DOP1B: variants seen among roughly 807,000 people sequenced by gnomAD.
DOP1B encodes DOP1 leucine zipper like protein B.
Under a neutral mutation model 233.5 loss-of-function variants are expected in DOP1B, and 174 were observed. That is an observed-to-expected ratio of 0.75 (90% CI 0.66 to 0.85). The LOEUF (loss-of-function observed/expected upper bound fraction) is 0.85. Among genes scored for constraint, DOP1B ranks in the 40% least tolerant of loss-of-function variants. The pLI is 0.00. For missense variants in DOP1B, 2,652 were observed against 2,846.6 expected (o/e 0.93, Z 1.56); for synonymous variants, 1,190 against 1,185.6 (o/e 1.00, Z -0.08).
intron 22 of DOP1B, among the ~76,000 whole-genome samples, chr21:36,252,301 C>T (rs988444417): frequency 6.6e-6 from 1 of 151,314 alleles, no homozygotes; most frequent in African/African-American, 2.4e-5. Flanking sequence ...GTGTAGAAAT[C>T]ACACTTGTTA....
chr21:36,268,348 G>T (rs748628254), intron 26 of DOP1B, among the ~76,000 whole-genome samples: 1 of 152,112 alleles, frequency 6.6e-6, no homozygotes, highest in African/African-American at 2.4e-5. Flanking sequence ...GAAAAATATG[G>T]CTCTTTTTTC....
At chr21:36,158,212 G>T (rs920360285) in intron 1 of DOP1B, among the ~76,000 whole-genome samples, 2 of 152,138 alleles carry the variant, frequency 1.3e-5, no homozygotes, top group African/African-American at 4.8e-5. Flanking sequence ...ACTTCTTTCT[G>T]TGTCTAGTTA....
chr21:36,181,230 G>A (rs759242600), intron 2 of DOP1B, among the ~76,000 whole-genome samples: 11 of 151,828 alleles, frequency 7.2e-5, no homozygotes, highest in Non-Finnish European at 1.6e-4. Flanking sequence ...AGATGGGTGG[G>A]CAGCTCTCTT....
At chr21:36,169,304 G>A in intron 2 of DOP1B, 1 of 787,950 alleles carries the variant, frequency 1.3e-6, no homozygotes, top group South Asian at 1.4e-5. Context: ...GCTGTCCTCA[G>A]TAAGGTAGCC....
At chr21:36,217,547 A>G (rs901582308) in intron 9 of DOP1B, among the ~76,000 whole-genome samples, 1 of 152,310 alleles carries the variant, frequency 6.6e-6, no homozygotes, top group East Asian at 1.9e-4. Context: ...GAGAAGTCCT[A>G]CCCGAGATGT....
intron 2 of DOP1B, among the ~76,000 whole-genome samples, chr21:36,186,144 A>G (rs922981485): frequency 1.3e-5 from 2 of 152,124 alleles, no homozygotes; most frequent in African/African-American, 4.8e-5. Context: ...CAGAGGTTGC[A>G]GTGAGCTAAG....
chr21:36,248,952 A>G (rs1412007361), intron 21 of DOP1B, among the ~76,000 whole-genome samples: 1 of 151,776 alleles, frequency 6.6e-6, no homozygotes, highest in African/African-American at 2.4e-5. Context: ...TAAAAATACA[A>G]AAATTAGCCA....
rs551041765 is a variant in DOP1B, at chr21:36,223,722, A to T, written c.1370+372A>T. Among the ~76,000 whole-genome samples the T allele has an allele frequency of 3.9e-5, 6 of 152,234 alleles. No homozygotes were observed. The East Asian group carries it at 7.7e-4, about 20-fold the overall frequency. ...TGTGACTGGATAGAGTGTTTTTGAA[A>T]CTCTTGCTGAAATGAATGTAACTGG... On this transcript the variant is annotated intron_variant, in intron 11 of 36. Coordinates refer to ENST00000691173, the MANE Select transcript of DOP1B (RefSeq NM_001320714.2).
intron 4 of DOP1B, among the ~76,000 whole-genome samples, chr21:36,208,054 T>A (rs1237581754): frequency 2.0e-5 from 3 of 152,022 alleles, no homozygotes; most frequent in Admixed American, 6.6e-5. Context: ...TAGATAAAGA[T>A]AAGAGGCGAA....
At chr21:36,157,323 A>C (rs13047908) in intron 1 of DOP1B, among the ~76,000 whole-genome samples, 125,939 of 152,124 alleles carry the variant, frequency 0.83, 52,320 homozygotes, top group Non-Finnish European at 0.87. Flanking sequence ...CGGCCCACGA[A>C]GAGACGCTCA....
At position 36,239,927 on chromosome 21, in the gene DOP1B, C is replaced by A. The variant is rs996371865; in HGVS notation, c.3039C>A (p.Ile1013=). The change falls in exon 18 of 37, where the codon ATC becomes ATA. Residue 1013 remains isoleucine, a synonymous_variant. Transcript: ENST00000691173. ...LLQPKTQRTS[I]HCLKQENSAD... ...AGCCAAAAACCCAGAGAACCTCCAT[C>A]CACTGCCTCAAGCAGGAGAACTCGG... 3.7e-6 allele frequency: 6 copies of A among 1,610,712 alleles called. No individual in the cohort carries two copies. The highest frequency in any genetic ancestry group is 5.1e-6 in the Non-Finnish European group (6 of 1,179,534).
intron 18 of DOP1B, among the ~76,000 whole-genome samples, chr21:36,244,171 G>A (rs1569045648): frequency 6.6e-6 from 1 of 151,198 alleles, no homozygotes; most frequent in Non-Finnish European, 1.5e-5. Flanking sequence ...CTATGGGCAC[G>A]CACCACCACG....
At chr21:36,293,279 A>C in intron 36 of DOP1B, 41 bp from the exon 37 acceptor site, 3 of 1,598,326 alleles carry the variant, frequency 1.9e-6, no homozygotes, top group Non-Finnish European at 2.6e-6. Context: ...TCGAGCCCTC[A>C]GTAAAACCAT....
intron 32 of DOP1B, among the ~76,000 whole-genome samples, chr21:36,284,870 T>A (rs996133677): frequency 6.8e-5 from 10 of 146,748 alleles, no homozygotes; most frequent in African/African-American, 2.2e-4. Flanking sequence ...AACATGTAAT[T>A]ATTATATTTG....
At position 36,270,022 on chromosome 21, in the gene DOP1B, CAG is replaced by C; in HGVS notation, c.5499_5500del (p.Lys1834AsnfsTer37). 3 of 1,613,870 alleles carry C rather than the reference CAG, an allele frequency of 1.9e-6. No individual in the cohort carries two copies. Among genetic ancestry groups the C allele is most frequent in the Non-Finnish European group, 2.5e-6 (3 of 1,179,948 alleles). The stretch of plus-strand genomic sequence containing the variant: ...TCCTGATAATTCTCAGGAAATCACT[CAG>C]AAAATCCTAGAAGCTGTGGGGAACA... ...KDQKDLQEIT[Q>X]KILEAVGNIA... On this transcript the variant is annotated frameshift_variant, in exon 27 of 37. Coordinates refer to ENST00000691173, the MANE Select transcript of DOP1B (RefSeq NM_001320714.2). LOFTEE classifies it high-confidence loss of function.
In DOP1B at chr21:36,232,600, C is replaced by CA. The variant is rs201687187; in HGVS notation, c.2351-204_2351-203insA. Among the ~76,000 whole-genome samples, 6 of 152,250 alleles carry CA rather than the reference C, an allele frequency of 3.9e-5. No individual in the cohort carries two copies. In the East Asian group the frequency reaches 1.2e-3, roughly 29 times the overall value. On this transcript the variant is annotated intron_variant, in intron 14 of 36. Transcript: ENST00000691173. ...ACCAGTCATATTGGATTAGGGCCCA[C>CA]CCTAACAACCTCATCTTAATTTGAT...
At chr21:36,195,252 A>C (rs571228031) in intron 2 of DOP1B, among the ~76,000 whole-genome samples, 3 of 151,300 alleles carry the variant, frequency 2.0e-5, no homozygotes, top group Non-Finnish European at 2.9e-5. Context: ...GAGGTGGGAG[A>C]ATCACTTGAA....
At position 36,246,730 on chromosome 21, in the gene DOP1B, C is replaced by T. The variant is rs988437047; in HGVS notation, c.4697+53C>T. The T allele has an allele frequency of 1.5e-5, 24 of 1,552,506 alleles. No individual in the cohort carries two copies. The highest frequency in any genetic ancestry group is 4.5e-5 in the East Asian group (2 of 44,074). ...ATTGCTTTAGTGATGGTTTTTATAACGAATGACTGTTTTGCCACGGATGTG... is the reference window on the plus strand; with the variant it reads ...ATTGCTTTAGTGATGGTTTTTATAATGAATGACTGTTTTGCCACGGATGTG... On this transcript the variant is annotated intron_variant, in intron 19 of 36. Transcript: ENST00000691173. This position sits in a 1 kb window ranked among gnomAD's most constrained non-coding sequence, Gnocchi z 5.1.
At chr21:36,180,295 G>A (rs998735942) in intron 2 of DOP1B, among the ~76,000 whole-genome samples, 8 of 152,282 alleles carry the variant, frequency 5.3e-5, no homozygotes, top group East Asian at 1.9e-4. Context: ...TTTGCTGGCC[G>A]CGGTGGCTCA....
Sources: allele counts gnomAD v4.1 joint callset (sites outside exome capture counted in the v4.1 genomes callset), GRCh38; gene constraint gnomAD v4.1.1; non-coding constraint Gnocchi (gnomAD v3.1); transcripts MANE v1.5; gene names NCBI Gene and HGNC (gene_info 2026-07-23, HGNC 2026-07-21).